Variants in KAT6A observed in about 807,000 individuals in gnomAD.
The protein encoded by KAT6A is lysine acetyltransferase 6A.
A neutral mutation model predicts 198.4 loss-of-function variants in KAT6A; 9 were observed. The observed-to-expected ratio is 0.05, with a 90% CI of 0.03 to 0.08. The LOEUF (loss-of-function observed/expected upper bound fraction) is 0.08. KAT6A is among the 10% of genes least tolerant of loss of function. The pLI, the probability that KAT6A is intolerant of heterozygous loss-of-function variation, is 1.00. For synonymous variants in KAT6A, 890 were observed against 883.0 expected (o/e 1.01, Z -0.14); for missense variants, 2,077 against 2,509.9 (o/e 0.83, Z 3.69).
At chr8:41,997,394 T>C (rs1825270963) in intron 2 of KAT6A, among the ~76,000 whole-genome samples, 1 of 152,092 alleles carries the variant, frequency 6.6e-6, no homozygotes, top group Non-Finnish European at 1.5e-5. Flanking sequence ...GAATTAGAAA[T>C]ATAATTGTAG....
chr8:42,047,611 A>G (rs981769431), intron 2 of KAT6A, among the ~76,000 whole-genome samples: 18 of 152,004 alleles, frequency 1.2e-4, no homozygotes, highest in Non-Finnish European at 2.5e-4. Flanking sequence ...GGGTCTCGCT[A>G]TATTGCTCAG....
In KAT6A at chr8:41,932,814, C is replaced by A. The variant is rs201149588; in HGVS notation, c.5406G>T (p.Gly1802=). 8.0e-5 allele frequency: 129 copies of A among 1,614,094 alleles called. No individual in the cohort carries two copies. The highest frequency in any genetic ancestry group is 9.9e-5 in the Non-Finnish European group (117 of 1,179,996). The change falls in exon 17 of 17, where the codon GGG becomes GGT. Residue 1802 remains glycine (G), a synonymous_variant. Coordinates refer to ENST00000265713, the MANE Select transcript of KAT6A (RefSeq NM_006766.5). ...TCATGGTGGCTTGTGCTTGAGGAGT[C>A]CCAGCTAAGGGATGAGATGGAGCCA... is the stretch of plus-strand genomic sequence containing the variant. ...AQLAPSHPLA[G]TPQAQATMTP... is the part of the protein sequence containing the mutation.
Position 42,049,095 on chromosome 8 carries a change from G to T in KAT6A, c.-118C>A. ...GGAACCAGTTAACCATAGCATATGA[G>T]TTTTCTGGCCTAAGTCCTTCCTCCT... On this transcript the variant is annotated 5_prime_UTR_variant, in exon 2 of 17. Transcript: ENST00000265713. The T allele has an allele frequency of 9.2e-7, 1 of 1,091,448 alleles. No individual in the cohort carries two copies. Among genetic ancestry groups the T allele is most frequent in the Non-Finnish European group, 1.3e-6 (1 of 762,442 alleles). 67.6% of individuals were successfully genotyped at this position (1,091,448 alleles called of 1,614,324 possible).
chr8:42,007,745 G>A (rs1434262768), intron 2 of KAT6A, among the ~76,000 whole-genome samples: 2 of 151,926 alleles, frequency 1.3e-5, no homozygotes, highest in South Asian at 2.1e-4. Context: ...GGTGGATCAC[G>A]AGGTCAGGAG....
At chr8:41,993,826 T>C (rs1825060302) in intron 2 of KAT6A, among the ~76,000 whole-genome samples, 1 of 152,202 alleles carries the variant, frequency 6.6e-6, no homozygotes, top group South Asian at 2.1e-4. Flanking sequence ...GTTAAAAGCA[T>C]TTAAAAATTA....
chr8:42,038,062 T>C (rs1368743858), intron 2 of KAT6A, among the ~76,000 whole-genome samples: 1 of 152,204 alleles, frequency 6.6e-6, no homozygotes, highest in East Asian at 1.9e-4. Context: ...AAAAATTACT[T>C]CATTAATTAA....
intron 2 of KAT6A, among the ~76,000 whole-genome samples, chr8:42,025,367 A>G (rs1826757835): frequency 1.2e-5 from 1 of 82,606 alleles, no homozygotes; most frequent in Admixed American, 9.5e-5. Context: ...GCCCACCACC[A>G]TGCCTGGCTA....
At chr8:42,010,402 T>G (rs35000391) in intron 2 of KAT6A, among the ~76,000 whole-genome samples, 3 of 152,040 alleles carry the variant, frequency 2.0e-5, no homozygotes, top group Non-Finnish European at 1.5e-5. Context: ...TATGAGAAAG[T>G]AGAAATTGGG....
chr8:42,009,760 C>T (rs927181673), intron 2 of KAT6A, among the ~76,000 whole-genome samples: 1 of 150,990 alleles, frequency 6.6e-6, no homozygotes, highest in African/African-American at 2.4e-5. Flanking sequence ...ATTAGCTGGG[C>T]ATGGTGACAT....
chr8:41,949,408 G>A (rs754150896), intron 9 of KAT6A, 45 bp from the exon 10 acceptor site: 3 of 1,375,444 alleles, frequency 2.2e-6, no homozygotes, highest in Middle Eastern at 2.2e-4. Flanking sequence ...TTATATTTTA[G>A]AGTACTTCAA....
At chr8:41,946,491 TATACACACACACACAC>T (rs1472811165) in intron 12 of KAT6A, 84 bp downstream of exon 12, 295 of 464,124 alleles carry the variant, frequency 6.4e-4, no homozygotes, top group African/African-American at 2.6e-3. Context: ...AATATATATA[TATACACACACACACAC>T]ACACACACAC....
At chr8:42,037,070 G>A (rs946589811) in intron 2 of KAT6A, among the ~76,000 whole-genome samples, 3 of 152,122 alleles carry the variant, frequency 2.0e-5, no homozygotes, top group Non-Finnish European at 4.4e-5. Flanking sequence ...CTCAACCCCA[G>A]CTGCACATCA....
intron 8 of KAT6A, among the ~76,000 whole-genome samples, chr8:41,965,394 C>A (rs1485596884): frequency 6.6e-6 from 1 of 152,222 alleles, no homozygotes; most frequent in Non-Finnish European, 1.5e-5. Flanking sequence ...GACTGGGCCA[C>A]AGGCCATATT....
chr8:41,933,431 T>A lies in KAT6A; in HGVS notation c.4789A>T (p.Ser1597Cys), dbSNP rs750201458. The change falls in exon 17 of 17, where the codon AGC becomes TGC. Residue 1597 changes from serine to cysteine, a missense_variant. Around this residue, in one of 13 missense-constraint regions of KAT6A, gnomAD observed 500 missense variants for 577.2 expected, o/e 0.87. Transcript: ENST00000265713. The surrounding 1 kb of genome is among the most constrained non-coding windows in gnomAD (Gnocchi z 6.2). ...CSYGGLSSSS[S>C]LTQSSCVVTQ... ...ACCACACAGCTGCTCTGGGTGAGGC[T>A]GCTGGAGGACGACAGCCCACCGTAG... 6.2e-7 allele frequency: 1 copy of A among 1,612,420 alleles called. No individual in the cohort carries two copies. The highest frequency in any genetic ancestry group is 8.5e-7 in the Non-Finnish European group (1 of 1,179,414).
chr8:41,940,439 T>C (rs1410881504), intron 15 of KAT6A, among the ~76,000 whole-genome samples: 4 of 152,212 alleles, frequency 2.6e-5, no homozygotes, highest in Non-Finnish European at 4.4e-5. Flanking sequence ...CAATTAATTA[T>C]GTAATATTTT....
At chr8:42,012,256 T>C (rs756821588) in intron 2 of KAT6A, among the ~76,000 whole-genome samples, 10 of 152,208 alleles carry the variant, frequency 6.6e-5, no homozygotes, top group Admixed American at 3.3e-4. Flanking sequence ...CCTAGGTATC[T>C]GCCCAAGTCA....
At chr8:41,942,496 AACT>A (rs1316603740) in intron 14 of KAT6A, 1 of 361,272 alleles carries the variant, frequency 2.8e-6, no homozygotes, top group African/African-American at 2.1e-5. Flanking sequence ...CAGATTTCTC[AACT>A]ACTATCCAGC....
chr8:42,018,741 G>T (rs1479610128), intron 2 of KAT6A, among the ~76,000 whole-genome samples: 1 of 151,984 alleles, frequency 6.6e-6, no homozygotes, highest in African/African-American at 2.4e-5. Context: ...TGGCCAACAT[G>T]GTGAAACCCC....
At chr8:41,963,412 G>A (rs866862790) in intron 8 of KAT6A, among the ~76,000 whole-genome samples, 12 of 152,206 alleles carry the variant, frequency 7.9e-5, no homozygotes, top group African/African-American at 2.9e-4. Context: ...ATTCCTACAT[G>A]TAATACCATC....
Sources: gnomAD v4.1 joint callset for allele counts (sites outside exome capture counted in the v4.1 genomes callset) on GRCh38, gnomAD v4.1.1 for gene constraint, gnomAD v4.1.1 regional missense constraint, Gnocchi (gnomAD v3.1) non-coding constraint, MANE v1.5 for transcripts, NCBI Gene and HGNC (gene_info 2026-07-23, HGNC 2026-07-21) for gene names.